The following PASK variants were observed in gnomAD, a reference collection of about 807,000 sequenced individuals.
The protein encoded by PASK is PAS domain-containing serine/threonine-protein kinase.
Under a neutral mutation model 121.0 loss-of-function variants are expected in PASK, and 110 were observed. The observed-to-expected ratio is 0.91, with a 90% CI of 0.78 to 1.06. The LOEUF is 1.06. Among genes scored for constraint, PASK ranks in the 50% least tolerant of loss-of-function variants. The pLI is 0.00. For missense variants in PASK, 1,643 were observed against 1,702.3 expected (o/e 0.97, Z 0.61); for synonymous variants, 686 against 717.8 (o/e 0.96, Z 0.71).
intron 1 of PASK, among the ~76,000 whole-genome samples, 196 bp from the exon 2 acceptor site, chr2:241,143,270 C>T (rs4675994): frequency 1.3e-5 from 2 of 152,156 alleles, no homozygotes; most frequent in South Asian, 2.1e-4. Context: ...GGGCCAGGCA[C>T]GGTGGCGCAC....
chr2:241,132,461 GCAATGAGCAA>G (rs1417567573), intron 9 of PASK, among the ~76,000 whole-genome samples: 1 of 71,046 alleles, frequency 1.4e-5, no homozygotes, highest in East Asian at 6.7e-4. Context: ...AGCTTGCAAT[GCAATGAGCAA>G]TGAGCTGAGA....
chr2:241,142,955 T>G lies in PASK; in HGVS notation c.78A>C (p.Ala26=), dbSNP rs1242448640. The part of the protein sequence containing the change: ...LSQSLPLPVS[A]EGPAAQTTAE... ...CAGTGGTCTGTGCAGCTGGGCCCTC[T>G]GCTGACACTGGCAAGGGGAGGCTCT... Residue 26 remains alanine, a synonymous_variant, in exon 2 of 18, where the codon GCA becomes GCC. Coordinates refer to ENST00000234040, the MANE Select transcript of PASK (RefSeq NM_015148.4). 1 of 1,613,750 alleles carries G rather than the reference T, an allele frequency of 6.2e-7. No homozygotes were observed. Among genetic ancestry groups the G allele is most frequent in the Non-Finnish European group, 8.5e-7 (1 of 1,179,780 alleles).
chr2:241,132,722 G>C lies in PASK; in HGVS notation c.1463+152C>G, dbSNP rs537627940. ...GGCAGCACAGAAAACCCAGCAGTCA[G>C]TGTGTGTGGAAGAGAGCAGGTGCTC... On this transcript the variant is annotated intron_variant, in intron 9 of 17. Coordinates refer to ENST00000234040, the MANE Select transcript of PASK (RefSeq NM_015148.4). The C allele has an allele frequency of 1.5e-4, 110 of 710,350 alleles. No homozygotes were observed. The African/African-American group carries it at 1.8e-3, about 12-fold the overall frequency. 44.0% of individuals were successfully genotyped at this position (710,350 alleles called of 1,614,324 possible). A position where few individuals can be genotyped will look rare whatever the true frequency, so the allele number is the denominator to read the frequency against.
At chr2:241,123,849 T>G in intron 11 of PASK, 100 bp downstream of exon 11, 1 of 977,616 alleles carries the variant, frequency 1.0e-6, no homozygotes, top group Non-Finnish European at 1.6e-6. Context: ...ACAAACAGAC[T>G]GTATTCCCGT....
At chr2:241,119,860 C>T (rs1453699880) in intron 12 of PASK, among the ~76,000 whole-genome samples, 1 of 152,142 alleles carries the variant, frequency 6.6e-6, no homozygotes, top group Non-Finnish European at 1.5e-5. Flanking sequence ...TGTCTACACC[C>T]TCTCCTCCTC....
intron 1 of PASK, among the ~76,000 whole-genome samples, chr2:241,148,877 G>A (rs985423402): frequency 6.6e-6 from 1 of 152,334 alleles, no homozygotes; most frequent in Non-Finnish European, 1.5e-5. Flanking sequence ...AGACGGCAGC[G>A]CAGGCCCCTG....
At chr2:241,125,640 A>G (rs2065822006) in intron 10 of PASK, among the ~76,000 whole-genome samples, 1 of 152,038 alleles carries the variant, frequency 6.6e-6, no homozygotes, top group Non-Finnish European at 1.5e-5. Context: ...TGAAAATAAA[A>G]AAGAAAGTAA....
At chr2:241,147,025 G>A (rs561341323) in intron 1 of PASK, among the ~76,000 whole-genome samples, 25 of 152,322 alleles carry the variant, frequency 1.6e-4, no homozygotes, top group African/African-American at 3.8e-4. Flanking sequence ...TTTGGGGTTC[G>A]AGTGTGCAGC....
intron 4 of PASK, 121 bp from the exon 5 acceptor site, chr2:241,138,915 C>A (rs1490760149): frequency 4.0e-5 from 37 of 923,250 alleles, no homozygotes; most frequent in Non-Finnish European, 3.5e-6. Flanking sequence ...TTCTGCTTAC[C>A]TGATTTTCAT....
chr2:241,140,791 C>A (rs2066667370), intron 2 of PASK, 38 bp from the exon 3 acceptor site: 1 of 1,389,492 alleles, frequency 7.2e-7, no homozygotes, highest in African/African-American at 1.4e-5. Context: ...AGACTTCACA[C>A]AGCTGCCAGA....
chr2:241,142,577 G>C (rs894580291), intron 2 of PASK, among the ~76,000 whole-genome samples: 2 of 152,230 alleles, frequency 1.3e-5, no homozygotes, highest in African/African-American at 2.4e-5. Flanking sequence ...GTTGTAACTT[G>C]ACCCTGAAAT....
Position 241,119,468 on chromosome 2 carries a change from CTTTTTT to C in PASK, c.3072+3258_3072+3263del, listed in dbSNP as rs36113805. Among the ~76,000 whole-genome samples, 340 of 134,228 alleles carry C rather than the reference CTTTTTT, an allele frequency of 2.5e-3. 1 individual carries two copies. Among genetic ancestry groups the C allele is most frequent in the African/African-American group, 9.3e-3 (327 of 35,032 alleles). The allele number at this position is 134,228 out of a possible 152,430, so 88.1% of individuals were successfully genotyped here. ...CTTCATGTCAGTAAGCAAGATGCTT[CTTTTTT>C]TTTTTTTTTTTGGAGACAAGAGTCT... On this transcript the variant is annotated intron_variant, in intron 12 of 17. Coordinates refer to ENST00000234040, the MANE Select transcript of PASK (RefSeq NM_015148.4).
At chr2:241,139,674 T>C (rs1186151238) in intron 4 of PASK, 47 of 706,200 alleles carry the variant, frequency 6.7e-5, no homozygotes, top group South Asian at 5.9e-4. Context: ...CAGTGTCCAT[T>C]CCTGCGATGA....
At chr2:241,106,748 A>T (rs1268413823) in intron 17 of PASK, 25 bp from the exon 18 acceptor site, 3 of 1,611,302 alleles carry the variant, frequency 1.9e-6, no homozygotes, top group Non-Finnish European at 2.5e-6. Context: ...AGGTAACTGT[A>T]TCACGTGCTA....
At chr2:241,124,488 G>A (rs894955732) in intron 10 of PASK, among the ~76,000 whole-genome samples, 1 of 152,258 alleles carries the variant, frequency 6.6e-6, no homozygotes, top group Non-Finnish European at 1.5e-5. Context: ...GGGAGAACCT[G>A]CACTCAACGT....
At chr2:241,144,081 G>GGTGTGT (rs143364489) in intron 1 of PASK, among the ~76,000 whole-genome samples, 4 of 151,722 alleles carry the variant, frequency 2.6e-5, no homozygotes, top group African/African-American at 9.7e-5. Flanking sequence ...TTTACCTGCA[G>GGTGTGT]GTGTGTGTGT....
chr2:241,146,326 G>A (rs1020838254), intron 1 of PASK, among the ~76,000 whole-genome samples: 1 of 152,082 alleles, frequency 6.6e-6, no homozygotes, highest in Admixed American at 6.5e-5. Flanking sequence ...TGTCTATATG[G>A]ATACAGCACT....
At chr2:241,115,691 A>AAGCATGCCATTACACCAGGGGCCACCG (rs1559361303) in intron 12 of PASK, among the ~76,000 whole-genome samples, 43 of 115,364 alleles carry the variant, frequency 3.7e-4, no homozygotes, top group African/African-American at 5.7e-4. Context: ...AGGGCCACCC[A>AAGCATGCCATTACACCAGGGGCCACCG]GTCCTCAAGC....
At chr2:241,146,831 G>C (rs2066979545) in intron 1 of PASK, among the ~76,000 whole-genome samples, 1 of 152,200 alleles carries the variant, frequency 6.6e-6, no homozygotes, top group Admixed American at 6.5e-5. Flanking sequence ...TTCCTAGGGT[G>C]ATGGGTTCAA....
Sources: gnomAD v4.1 joint callset for allele counts (sites outside exome capture counted in the v4.1 genomes callset) on GRCh38, gnomAD v4.1.1 for gene constraint, MANE v1.5 for transcripts, NCBI Gene and HGNC (gene_info 2026-07-23, HGNC 2026-07-21) for gene names.